LRRC7: variants seen among roughly 807,000 people sequenced by gnomAD.
The protein encoded by LRRC7 is leucine-rich repeat-containing protein 7.
A neutral mutation model predicts 175.7 loss-of-function variants in LRRC7; 23 were observed. The observed-to-expected ratio is 0.13, with a 90% CI of 0.09 to 0.19. The LOEUF is 0.19. Among genes scored for constraint, LRRC7 ranks in the 10% least tolerant of loss-of-function variants. LRRC7 has a pLI of 1.00. For synonymous variants in LRRC7, 685 were observed against 680.9 expected (o/e 1.01, Z -0.09); for missense variants, 1,354 against 1,904.7 (o/e 0.71, Z 5.38).
At chr1:69,774,399 G>C (rs907046921) in intron 3 of LRRC7, among the ~76,000 whole-genome samples, 2 of 151,364 alleles carry the variant, frequency 1.3e-5, no homozygotes, top group Non-Finnish European at 2.9e-5. Flanking sequence ...GCAACTTCAG[G>C]AACAAAAAAA....
chr1:70,089,855 GA>G, intron 25 of LRRC7, 36 bp downstream of exon 25: 1 of 1,391,642 alleles, frequency 7.2e-7, no homozygotes, highest in Non-Finnish European at 1.0e-6. Context: ...ATATTAATTA[GA>G]AAAATACTAT....
intron 8 of LRRC7, among the ~76,000 whole-genome samples, chr1:69,978,145 A>C (rs1462742091): frequency 6.6e-6 from 1 of 152,190 alleles, no homozygotes; most frequent in African/African-American, 2.4e-5. Context: ...TAAAAATACA[A>C]TAATTAGCCA....
chr1:69,864,124 C>T (rs1684651915), intron 7 of LRRC7, among the ~76,000 whole-genome samples: 1 of 152,254 alleles, frequency 6.6e-6, no homozygotes, highest in African/African-American at 2.4e-5. Context: ...CCCACTCAGA[C>T]TGGCTCTGCC....
chr1:69,918,355 T>C (rs1460300264), intron 7 of LRRC7, among the ~76,000 whole-genome samples: 1 of 152,214 alleles, frequency 6.6e-6, no homozygotes, highest in Non-Finnish European at 1.5e-5. Flanking sequence ...GAATGAATGA[T>C]TGCTCACAAA....
intron 1 of LRRC7, among the ~76,000 whole-genome samples, chr1:69,626,592 T>C (rs1267283085): frequency 1.3e-5 from 2 of 151,992 alleles, no homozygotes; most frequent in African/African-American, 4.8e-5. Flanking sequence ...TACTATAAGT[T>C]CTAGGATACA....
chr1:69,747,143 G>A (rs989681160), intron 2 of LRRC7, among the ~76,000 whole-genome samples: 1 of 152,016 alleles, frequency 6.6e-6, no homozygotes, highest in African/African-American at 2.4e-5. Flanking sequence ...TTCCAAATAA[G>A]GTCACACTCT....
intron 7 of LRRC7, among the ~76,000 whole-genome samples, chr1:69,848,173 T>C (rs530330568): frequency 6.6e-6 from 1 of 152,278 alleles, no homozygotes; most frequent in Admixed American, 6.6e-5. Context: ...AAAGTTTCCA[T>C]GGGAATTTGG....
At chr1:70,024,747 A>G (rs1318604690) in intron 17 of LRRC7, among the ~76,000 whole-genome samples, 4 of 152,262 alleles carry the variant, frequency 2.6e-5, no homozygotes, top group African/African-American at 9.6e-5. Flanking sequence ...AACTATTAGT[A>G]TAACTGGGTC....
At position 70,107,379 on chromosome 1, in the gene LRRC7, C is replaced by T. The variant is rs563740692; in HGVS notation, c.4546-373C>T. On this transcript the variant is annotated intron_variant, in intron 25 of 26. Transcript: ENST00000651989. ...GAGATACTTTTTCAAATACCTTCAA[C>T]TGCCTTTAATGGAGACATAGTTAAG... Among the ~76,000 whole-genome samples, 4 of 152,212 alleles carry T rather than the reference C, an allele frequency of 2.6e-5. No homozygotes were observed. The East Asian group carries it at 7.7e-4, about 29-fold the overall frequency.
intron 24 of LRRC7, among the ~76,000 whole-genome samples, chr1:70,085,382 G>T (rs1156549496): frequency 2.6e-5 from 4 of 152,162 alleles, no homozygotes; most frequent in African/African-American, 9.6e-5. Flanking sequence ...TTTACTGAAA[G>T]ACTCTTCTTT....
chr1:69,717,783 A>AAAGAAAG (rs1665574451), intron 2 of LRRC7, among the ~76,000 whole-genome samples: 2 of 25,212 alleles, frequency 7.9e-5, no homozygotes, highest in Admixed American at 5.2e-4. Flanking sequence ...AGAAAGAAAG[A>AAAGAAAG]AAGAAAGAAA....
chr1:70,112,639 C>A (rs1665599742), intron 26 of LRRC7, among the ~76,000 whole-genome samples: 1 of 152,186 alleles, frequency 6.6e-6, no homozygotes, highest in Non-Finnish European at 1.5e-5. Flanking sequence ...GTAAGACCCT[C>A]CTCTTCTTAC....
At chr1:69,591,330 A>G (rs1646625483) in intron 1 of LRRC7, among the ~76,000 whole-genome samples, 2 of 152,120 alleles carry the variant, frequency 1.3e-5, no homozygotes, top group African/African-American at 2.4e-5. Context: ...TGTTCATATC[A>G]GTATCTAAAG....
At chr1:69,917,594 G>T (rs1229050586) in intron 7 of LRRC7, among the ~76,000 whole-genome samples, 1 of 152,150 alleles carries the variant, frequency 6.6e-6, no homozygotes, top group African/African-American at 2.4e-5. Context: ...AGTGCTGCTG[G>T]TATCTAGTGG....
At position 70,134,652 on chromosome 1, in the gene LRRC7, A is replaced by G. The variant is rs1371984582; in HGVS notation, c.*12765A>G. On this transcript the variant is annotated 3_prime_UTR_variant, in exon 27 of 27. Coordinates refer to ENST00000651989, the MANE Select transcript of LRRC7 (RefSeq NM_001370785.2). ...AAAAAAACAATTTCCTTCTAGCCAC[A>G]TGATCACCAGATACTAATACAGAAT... 6.6e-6 allele frequency among the ~76,000 whole-genome samples: 1 copy of G among 152,212 alleles called. No homozygotes were observed. Among genetic ancestry groups the G allele is most frequent in the Non-Finnish European group, 1.5e-5 (1 of 68,038 alleles).
intron 2 of LRRC7, among the ~76,000 whole-genome samples, chr1:69,694,422 T>G (rs950027855): frequency 9.2e-5 from 14 of 152,204 alleles, no homozygotes; most frequent in Admixed American, 8.5e-4. Context: ...TGATTTTCCC[T>G]GATTTTTTTC....
chr1:70,118,993 G>A (rs1311053755), intron 26 of LRRC7, among the ~76,000 whole-genome samples: 1 of 151,392 alleles, frequency 6.6e-6, no homozygotes, highest in African/African-American at 2.4e-5. Context: ...TATTTTTATG[G>A]TTGCTTCCCA....
At position 69,600,800 on chromosome 1, in the gene LRRC7, C is replaced by CTTTTTTTTTTTTT. The variant is rs59212223; in HGVS notation, c.2+32175_2+32187dup. On this transcript the variant is annotated intron_variant, in intron 1 of 26. Transcript: ENST00000651989. Reference sequence around the variant, plus strand: ...CCATTTCTCCAAGGATCTCTGGTTTCTTTTTTTTTTTTTTTTTTTTTTTTT... The same window carrying CTTTTTTTTTTTTT: ...CCATTTCTCCAAGGATCTCTGGTTTCTTTTTTTTTTTTTTTTTTTTTTTTTTTTTTTTTTTTTT... 3.4e-3 allele frequency among the ~76,000 whole-genome samples: 222 copies of CTTTTTTTTTTTTT among 64,882 alleles called. 69 individuals carry two copies. The highest frequency in any genetic ancestry group is 4.3e-3 in the East Asian group (8 of 1,874). 42.6% of individuals were successfully genotyped at this position (64,882 alleles called of 152,430 possible).
chr1:70,112,853 G>A (rs1665611379), intron 26 of LRRC7, among the ~76,000 whole-genome samples: 1 of 152,144 alleles, frequency 6.6e-6, no homozygotes, highest in African/African-American at 2.4e-5. Context: ...GAGTTTTCAG[G>A]AGCAGGGGTA....
Sources: gnomAD v4.1 joint callset for allele counts (sites outside exome capture counted in the v4.1 genomes callset) on GRCh38, gnomAD v4.1.1 for gene constraint, MANE v1.5 for transcripts, NCBI Gene and HGNC (gene_info 2026-07-23, HGNC 2026-07-21) for gene names.